Variants in RIT2 observed in about 807,000 individuals in gnomAD.
RIT2 encodes the protein GTP-binding protein Rit2.
In RIT2, 24 loss-of-function variants were observed where a neutral mutation model predicts 23.7. The observed-to-expected ratio is 1.01, with a 90% confidence interval of 0.73 to 1.43. The LOEUF is 1.43. Among genes scored for constraint, RIT2 ranks in the 40% most tolerant of loss-of-function variants. The pLI is 0.00. For synonymous variants in RIT2, 107 were observed against 91.1 expected (o/e 1.17, Z -0.99); for missense variants, 236 against 266.9 (o/e 0.88, Z 0.81).
chr18:42,848,833 T>C lies in RIT2; in HGVS notation c.426+74739A>G, dbSNP rs369572353. The stretch of plus-strand genomic sequence containing the variant: ...GTTATTTATTAGAATAGTTTGATGA[T>C]TGAAGCAATGTTTTGGTGCTTGAAA... On this transcript the variant is annotated intron_variant, in intron 4 of 4. Transcript: ENST00000326695. Among the ~76,000 whole-genome samples, 27 of 152,310 alleles carry C rather than the reference T, an allele frequency of 1.8e-4. No homozygotes were observed. In the East Asian group the frequency reaches 4.6e-3, roughly 26 times the overall value.
intron 4 of RIT2, among the ~76,000 whole-genome samples, chr18:42,917,751 T>C (rs1212746545): frequency 6.6e-6 from 1 of 152,166 alleles, no homozygotes; most frequent in East Asian, 1.9e-4. Flanking sequence ...ATTATGGCTC[T>C]CAAACATGCT....
At chr18:42,887,404 A>G (rs1213254896) in intron 4 of RIT2, among the ~76,000 whole-genome samples, 1 of 152,186 alleles carries the variant, frequency 6.6e-6, no homozygotes, top group Non-Finnish European at 1.5e-5. Context: ...TGGAGTTTGA[A>G]AAGTAACATG....
At chr18:43,053,405 C>A (rs1912429231) in intron 1 of RIT2, among the ~76,000 whole-genome samples, 1 of 151,852 alleles carries the variant, frequency 6.6e-6, no homozygotes, top group South Asian at 2.1e-4. Context: ...ATTGTGATAG[C>A]TTCTATGGAA....
chr18:42,946,043 T>G (rs953102110), intron 3 of RIT2, among the ~76,000 whole-genome samples: 2 of 152,138 alleles, frequency 1.3e-5, no homozygotes, highest in African/African-American at 4.8e-5. Context: ...TGTGAATACT[T>G]TGGGTGCATA....
intron 1 of RIT2, among the ~76,000 whole-genome samples, chr18:43,092,931 A>ATTT (rs1452858276): frequency 6.6e-6 from 1 of 151,978 alleles, no homozygotes; most frequent in Non-Finnish European, 1.5e-5. Context: ...AAATAATGTT[A>ATTT]TTTTTATCAC....
chr18:43,085,845 C>G (rs1180861132), intron 1 of RIT2, among the ~76,000 whole-genome samples: 1 of 152,112 alleles, frequency 6.6e-6, no homozygotes, highest in East Asian at 1.9e-4. Flanking sequence ...TTCCCCCATA[C>G]TGTTCTCATG....
At chr18:43,015,843 A>G (rs1366253749) in intron 2 of RIT2, among the ~76,000 whole-genome samples, 1 of 151,820 alleles carries the variant, frequency 6.6e-6, no homozygotes, top group Non-Finnish European at 1.5e-5. Context: ...AGAGTAAAAC[A>G]TTGACTGGCT....
intron 3 of RIT2, among the ~76,000 whole-genome samples, chr18:42,937,240 A>C (rs561309809): frequency 2.0e-4 from 31 of 152,300 alleles, no homozygotes; most frequent in Non-Finnish European, 2.6e-4. Context: ...AAAAGGCAAT[A>C]CTAGCTATAT....
intron 1 of RIT2, among the ~76,000 whole-genome samples, chr18:43,086,263 G>A (rs1354187802): frequency 6.6e-6 from 1 of 151,976 alleles, no homozygotes; most frequent in African/African-American, 2.4e-5. Flanking sequence ...TTTGGATTAG[G>A]GGTATTCAAG....
At chr18:42,837,141 T>TTTTTC (rs1906627712) in intron 4 of RIT2, among the ~76,000 whole-genome samples, 1 of 142,066 alleles carries the variant, frequency 7.0e-6, no homozygotes, top group African/African-American at 2.7e-5. Flanking sequence ...AAATTTCTTT[T>TTTTTC]TTTTTCTTTT....
chr18:42,917,963 C>G (rs1358146637), intron 4 of RIT2, among the ~76,000 whole-genome samples: 1 of 152,102 alleles, frequency 6.6e-6, no homozygotes, highest in Non-Finnish European at 1.5e-5. Flanking sequence ...TTCTCCTTTG[C>G]CCTTTTCACT....
intron 4 of RIT2, among the ~76,000 whole-genome samples, chr18:42,907,099 A>G (rs1908643624): frequency 6.6e-6 from 1 of 152,186 alleles, no homozygotes; most frequent in Non-Finnish European, 1.5e-5. Flanking sequence ...CTGTTTTTTT[A>G]AGTCTTCTTT....
At chr18:42,999,937 T>C (rs545949943) in intron 2 of RIT2, among the ~76,000 whole-genome samples, 26 of 152,190 alleles carry the variant, frequency 1.7e-4, no homozygotes, top group African/African-American at 5.5e-4. Flanking sequence ...GGTGTATTAT[T>C]AGATTGTAAG....
At chr18:42,873,325 T>G (rs181536424) in intron 4 of RIT2, among the ~76,000 whole-genome samples, 46 of 152,308 alleles carry the variant, frequency 3.0e-4, no homozygotes, top group Admixed American at 1.2e-3. Context: ...TGGAAAAACA[T>G]TTAAAGTCTA....
At chr18:42,890,528 G>A (rs1378095942) in intron 4 of RIT2, among the ~76,000 whole-genome samples, 3 of 151,370 alleles carry the variant, frequency 2.0e-5, no homozygotes, top group Non-Finnish European at 2.9e-5. Flanking sequence ...ATGGAAGGAA[G>A]GAGGATGAAA....
chr18:43,030,132 A>G lies in RIT2; in HGVS notation c.160+3679T>C, dbSNP rs185669439. Among the ~76,000 whole-genome samples the G allele has an allele frequency of 9.1e-4, 138 of 152,186 alleles. 1 individual carries two copies. The highest frequency in any genetic ancestry group is 1.5e-3 in the Non-Finnish European group (100 of 67,984). On this transcript the variant is annotated intron_variant, in intron 2 of 4. Transcript: ENST00000326695. ...CATTTTTAACCTTTATGACACTTTA[A>G]TTTGACAGATAATTATCTAAACAAT...
At chr18:42,774,160 CA>C (rs746710707) in intron 4 of RIT2, among the ~76,000 whole-genome samples, 1 of 152,054 alleles carries the variant, frequency 6.6e-6, no homozygotes, top group Non-Finnish European at 1.5e-5. Context: ...AGACCATTTA[CA>C]AAATGTTTTT....
chr18:42,828,483 G>C (rs780974339), intron 4 of RIT2, among the ~76,000 whole-genome samples: 38 of 152,254 alleles, frequency 2.5e-4, no homozygotes, highest in Middle Eastern at 6.8e-3. Context: ...GATAACTTTG[G>C]TTTTAGAATA....
intron 4 of RIT2, among the ~76,000 whole-genome samples, chr18:42,875,018 T>A (rs927030013): frequency 6.6e-6 from 1 of 152,168 alleles, no homozygotes; most frequent in Admixed American, 6.6e-5. Context: ...TAGAGAAAAA[T>A]TGAGAACCAG....
Sources: gnomAD v4.1 joint callset for allele counts (sites outside exome capture counted in the v4.1 genomes callset) on GRCh38, gnomAD v4.1.1 for gene constraint, MANE v1.5 for transcripts, NCBI Gene and HGNC (gene_info 2026-07-23, HGNC 2026-07-21) for gene names.